The following SPPL2A variants were observed in gnomAD, a reference collection of about 807,000 sequenced individuals.
SPPL2A encodes signal peptide peptidase like 2A, also known as signal peptide peptidase-like 2A.
SPPL2A carries 51 observed loss-of-function variants against 63.8 expected under a neutral mutation model. The ratio of observed to expected loss-of-function variants is 0.80; its 90% CI spans 0.64 to 1.01. The LOEUF (loss-of-function observed/expected upper bound fraction) is 1.01. SPPL2A is among the 50% of genes least tolerant of loss of function. The probability of loss-of-function intolerance (pLI) is 0.00; values close to 1 mark genes in which losing one functional copy is unlikely to be tolerated. For synonymous variants in SPPL2A, 188 were observed against 205.8 expected (o/e 0.91, Z 0.74); for missense variants, 553 against 622.7 (o/e 0.89, Z 1.19).
rs777675241 is a variant in SPPL2A, at chr15:50,736,788, A to G, written c.734-48T>C. The G allele has an allele frequency of 1.2e-5, 11 of 905,112 alleles. No homozygotes were observed. The Middle Eastern group carries it at 6.4e-4, about 53-fold the overall frequency. The allele number at this position is 905,112 out of a possible 1,614,324, so 56.1% of individuals were successfully genotyped here. Reference sequence around the variant, plus strand: ...TTACATGAGAACAGAAGGAAAGGTGATAAGAAAATATTTATACAAGCAATA... The same window carrying G: ...TTACATGAGAACAGAAGGAAAGGTGGTAAGAAAATATTTATACAAGCAATA... On this transcript the variant is annotated intron_variant, in intron 6 of 14. Transcript: ENST00000261854.
At chr15:50,739,463 G>C (rs1305319723) in intron 6 of SPPL2A, among the ~76,000 whole-genome samples, 1 of 151,692 alleles carries the variant, frequency 6.6e-6, no homozygotes, top group African/African-American at 2.4e-5. Flanking sequence ...ACAGGTGTGA[G>C]TCACTGCTCC....
chr15:50,750,915 G>A (rs771890653), intron 1 of SPPL2A, among the ~76,000 whole-genome samples: 2 of 152,214 alleles, frequency 1.3e-5, no homozygotes, highest in Non-Finnish European at 2.9e-5. Context: ...CACATTATTA[G>A]ATTGAATCAC....
chr15:50,739,864 C>CA, intron 5 of SPPL2A, 36 bp from the exon 6 acceptor site: 1 of 1,513,216 alleles, frequency 6.6e-7, no homozygotes, highest in Non-Finnish European at 8.8e-7. Flanking sequence ...CAAATCTTAG[C>CA]CAAGTACAGT....
intron 11 of SPPL2A, 199 bp from the exon 12 acceptor site, chr15:50,725,522 C>CCAGGTTCAAG (rs2062680103): frequency 5.0e-6 from 2 of 403,372 alleles, no homozygotes; most frequent in Non-Finnish European, 4.4e-6. Flanking sequence ...CCTCCGCCTC[C>CCAGGTTCAAG]CAGGTTCAAG....
chr15:50,718,779 G>T (rs1020367593), intron 14 of SPPL2A, among the ~76,000 whole-genome samples: 4 of 152,212 alleles, frequency 2.6e-5, no homozygotes, highest in Non-Finnish European at 5.9e-5. Context: ...CACTATAAAT[G>T]ACATGAAAGA....
chr15:50,758,878 T>C (rs2062984512), intron 1 of SPPL2A, among the ~76,000 whole-genome samples: 1 of 151,200 alleles, frequency 6.6e-6, no homozygotes. Flanking sequence ...ATCAAATATA[T>C]AATAAGCATA....
At chr15:50,718,651 A>T (rs905297701) in intron 14 of SPPL2A, among the ~76,000 whole-genome samples, 2 of 152,032 alleles carry the variant, frequency 1.3e-5, no homozygotes, top group Non-Finnish European at 2.9e-5. Flanking sequence ...GACAGGTATT[A>T]TTAGCTTAAC....
chr15:50,727,790 C>T (rs1289238884), intron 10 of SPPL2A, among the ~76,000 whole-genome samples: 2 of 152,108 alleles, frequency 1.3e-5, no homozygotes, highest in Non-Finnish European at 2.9e-5. Flanking sequence ...TTTTGAGTTA[C>T]CTACTAAACT....
At chr15:50,735,640 A>G (rs905988299) in intron 8 of SPPL2A, among the ~76,000 whole-genome samples, 8 of 151,578 alleles carry the variant, frequency 5.3e-5, no homozygotes, top group African/African-American at 1.9e-4. Flanking sequence ...GCTCACTGCA[A>G]CCTCCGCTCA....
In SPPL2A at chr15:50,739,669, T is replaced by C; in HGVS notation, c.733+11A>G. The C allele has an allele frequency of 6.5e-7, 1 of 1,534,576 alleles. No individual in the cohort carries two copies. Among genetic ancestry groups the C allele is most frequent in the Non-Finnish European group, 8.7e-7 (1 of 1,143,406 alleles). Reference sequence around the variant, plus strand: ...TGTTAACAGTAGCAAACATAAAATATGACTTCTTACCCAACCATTTGTAGA... The same window carrying C: ...TGTTAACAGTAGCAAACATAAAATACGACTTCTTACCCAACCATTTGTAGA... On this transcript the variant is annotated intron_variant, in intron 6 of 14. Coordinates refer to ENST00000261854, the MANE Select transcript of SPPL2A (RefSeq NM_032802.4).
chr15:50,717,828 A>G (rs575737080), intron 14 of SPPL2A, among the ~76,000 whole-genome samples: 1 of 152,010 alleles, frequency 6.6e-6, no homozygotes, highest in East Asian at 1.9e-4. Context: ...GCCCTCCCCA[A>G]ATCACCTAGG....
chr15:50,748,330 T>C lies in SPPL2A; in HGVS notation c.361-128A>G, dbSNP rs1596394513. 6.7e-6 allele frequency: 3 copies of C among 448,688 alleles called. No individual in the cohort carries two copies. In the East Asian group the frequency reaches 1.3e-4, roughly 19 times the overall value. The allele number at this position is 448,688 out of a possible 1,614,324, so 27.8% of individuals were successfully genotyped here. ...AGACAAAATTTCAGGTATTCTTTCTTAACACTCTAAGTTCTCAAAATTGAA... is the reference window on the plus strand; with the variant it reads ...AGACAAAATTTCAGGTATTCTTTCTCAACACTCTAAGTTCTCAAAATTGAA... On this transcript the variant is annotated intron_variant, in intron 3 of 14. Transcript: ENST00000261854.
At chr15:50,728,713 G>A (rs1305166890) in intron 10 of SPPL2A, among the ~76,000 whole-genome samples, 3 of 151,932 alleles carry the variant, frequency 2.0e-5, no homozygotes, top group Admixed American at 6.6e-5. Flanking sequence ...GCACGATCTC[G>A]GCTCACTGTA....
At chr15:50,738,197 A>G (rs1356122112) in intron 6 of SPPL2A, among the ~76,000 whole-genome samples, 1 of 151,156 alleles carries the variant, frequency 6.6e-6, no homozygotes, top group Non-Finnish European at 1.5e-5. Flanking sequence ...GTCTCAAAAA[A>G]AAAGATATCA....
intron 1 of SPPL2A, among the ~76,000 whole-genome samples, chr15:50,756,742 G>C (rs1228942431): frequency 6.6e-6 from 1 of 151,978 alleles, no homozygotes; most frequent in Non-Finnish European, 1.5e-5. Context: ...TCATTTAAGA[G>C]GTAGAAGGGA....
At chr15:50,715,233 A>C (rs1299082551) in intron 14 of SPPL2A, among the ~76,000 whole-genome samples, 1 of 152,032 alleles carries the variant, frequency 6.6e-6, no homozygotes, top group Non-Finnish European at 1.5e-5. Context: ...CCTGATCTCA[A>C]GTGATCTACT....
At chr15:50,726,183 G>T in intron 11 of SPPL2A, 138 bp downstream of exon 11, 3 of 1,471,572 alleles carry the variant, frequency 2.0e-6, no homozygotes, top group Non-Finnish European at 2.8e-6. Flanking sequence ...TAAGAAAAGA[G>T]CTATATTTTC....
intron 1 of SPPL2A, among the ~76,000 whole-genome samples, chr15:50,762,889 C>T (rs911583568): frequency 7.4e-5 from 11 of 149,520 alleles, no homozygotes; most frequent in Admixed American, 4.7e-4. Flanking sequence ...CGCACCACCA[C>T]GCCCGGCTAA....
intron 12 of SPPL2A, 77 bp downstream of exon 12, chr15:50,725,144 T>C (rs1353253873): frequency 2.2e-6 from 2 of 903,768 alleles, no homozygotes; most frequent in Non-Finnish European, 3.6e-6. Flanking sequence ...TAGGTAACTT[T>C]TAACAGATTC....
Sources: gnomAD v4.1 joint callset for allele counts (sites outside exome capture counted in the v4.1 genomes callset) on GRCh38, gnomAD v4.1.1 for gene constraint, MANE v1.5 for transcripts, NCBI Gene and HGNC (gene_info 2026-07-23, HGNC 2026-07-21) for gene names.